Variants in JAKMIP3 observed in about 807,000 individuals in gnomAD.
JAKMIP3 encodes the protein Janus kinase and microtubule interacting protein 3.
Under a neutral mutation model 118.5 loss-of-function variants are expected in JAKMIP3, and 58 were observed. The ratio of observed to expected loss-of-function variants is 0.49; its 90% CI spans 0.40 to 0.61. The LOEUF (loss-of-function observed/expected upper bound fraction) is 0.61, where lower values mean the gene tolerates loss of function less well. Among genes scored for constraint, JAKMIP3 ranks in the 20% least tolerant of loss-of-function variants. The pLI is 0.00. For synonymous variants in JAKMIP3, 486 were observed against 451.2 expected (o/e 1.08, Z -0.98); for missense variants, 950 against 1,109.0 (o/e 0.86, Z 2.04).
At chr10:132,055,143 A>C (rs1179364132) in intron 1 of JAKMIP3, among the ~76,000 whole-genome samples, 1 of 152,108 alleles carries the variant, frequency 6.6e-6, no homozygotes, top group Non-Finnish European at 1.5e-5. Context: ...AGTGATTCTA[A>C]AGTTGGACTC....
At chr10:132,130,580 C>T (rs550856132) in intron 3 of JAKMIP3, among the ~76,000 whole-genome samples, 12 of 152,340 alleles carry the variant, frequency 7.9e-5, no homozygotes, top group Non-Finnish European at 1.6e-4. Flanking sequence ...ATCCTGGCTC[C>T]ATGGGCCCTG....
At chr10:132,045,259 C>T (rs1403542548) in intron 1 of JAKMIP3, among the ~76,000 whole-genome samples, 2 of 152,152 alleles carry the variant, frequency 1.3e-5, no homozygotes, top group African/African-American at 2.4e-5. Flanking sequence ...GTCTGCGTTT[C>T]CCCGGTGAGC....
chr10:132,130,666 G>T (rs871435), intron 3 of JAKMIP3, among the ~76,000 whole-genome samples: 1 of 152,136 alleles, frequency 6.6e-6, no homozygotes, highest in Non-Finnish European at 1.5e-5. Context: ...GCACTGAGGC[G>T]TGGTCAGCCC....
chr10:132,139,250 A>AGTGTGTGTG (rs1564947796), intron 9 of JAKMIP3, among the ~76,000 whole-genome samples: 1 of 72,560 alleles, frequency 1.4e-5, no homozygotes. Flanking sequence ...CTGTGTGTGT[A>AGTGTGTGTG]TGTGTGTGTG....
chr10:132,142,832 C>T (rs2053814699), intron 11 of JAKMIP3, among the ~76,000 whole-genome samples: 1 of 152,032 alleles, frequency 6.6e-6, no homozygotes, highest in Admixed American at 6.5e-5. Flanking sequence ...TGTGGGGTTC[C>T]CGTTGGCCTC....
intron 1 of JAKMIP3, among the ~76,000 whole-genome samples, chr10:132,100,069 G>A (rs553235588): frequency 2.0e-5 from 3 of 152,150 alleles, no homozygotes; most frequent in African/African-American, 7.2e-5. Context: ...ACCCACCCTG[G>A]CTCCTGCCCC....
At chr10:132,092,291 T>G (rs1564886828) in intron 1 of JAKMIP3, among the ~76,000 whole-genome samples, 1 of 152,178 alleles carries the variant, frequency 6.6e-6, no homozygotes, top group Admixed American at 6.5e-5. Context: ...TTCTCTGTAT[T>G]TCCTGAATTT....
Position 132,141,917 on chromosome 10 carries a change from C to T in JAKMIP3, c.1474-3C>T. ...TGCGTGTGTGGCATCCGTGTCTCTC[C>T]AGGGCATGGCCAAGGAGGAGACGGA... On this transcript the variant is annotated splice_polypyrimidine_tract_variant and splice_region_variant and intron_variant, in intron 10 of 23. Coordinates refer to ENST00000684848, the MANE Select transcript of JAKMIP3 (RefSeq NM_001323087.2). 2 of 1,592,374 alleles carry T rather than the reference C, an allele frequency of 1.3e-6. No individual in the cohort carries two copies. Among genetic ancestry groups the T allele is most frequent in the Non-Finnish European group, 1.7e-6 (2 of 1,170,088 alleles).
At chr10:132,137,628 C>T (rs2052096586) in intron 8 of JAKMIP3, among the ~76,000 whole-genome samples, 1 of 152,218 alleles carries the variant, frequency 6.6e-6, no homozygotes, top group African/African-American at 2.4e-5. Flanking sequence ...CCAGCACAGA[C>T]AGGCAGCCGC....
At chr10:132,151,650 C>G (rs1193929076) in intron 16 of JAKMIP3, among the ~76,000 whole-genome samples, 1 of 152,208 alleles carries the variant, frequency 6.6e-6, no homozygotes, top group Admixed American at 6.5e-5. Context: ...AAGGCACTGC[C>G]CAGGGTCACA....
intron 1 of JAKMIP3, among the ~76,000 whole-genome samples, chr10:132,092,391 C>A (rs1331958296): frequency 1.3e-5 from 2 of 152,240 alleles, no homozygotes; most frequent in Admixed American, 6.5e-5. Flanking sequence ...CTCCCCATCA[C>A]TTTCAGGTAC....
At chr10:132,062,191 A>C (rs2038418841), upstream of JAKMIP3, among the ~76,000 whole-genome samples, 1 of 152,212 alleles carries the variant, frequency 6.6e-6, no homozygotes, top group Admixed American at 6.5e-5. Context: ...CAGGAAATGC[A>C]CATTAAATTC....
chr10:132,104,598 C>T (rs78487530), intron 1 of JAKMIP3, 74 bp from the exon 2 acceptor site: 130,969 of 584,188 alleles, frequency 0.22, 16,385 homozygotes, highest in East Asian at 0.39. Context: ...GCCCCTGCCC[C>T]GGCACACAAG....
Position 132,135,052 on chromosome 10 carries a change from G to T in JAKMIP3, c.861G>T (p.Leu287Phe). 6.2e-7 allele frequency: 1 copy of T among 1,613,532 alleles called. No homozygotes were observed. Among genetic ancestry groups the T allele is most frequent in the Non-Finnish European group, 8.5e-7 (1 of 1,179,482 alleles). The stretch of plus-strand genomic sequence containing the variant: ...GATTTTTGTTTTAGGAACAGCAGTT[G>T]GATGAAAAAGATGCCCGGCGCTTCC... Reference protein sequence around the residue: ...SDHSGSPEQQLDEKDARRFQL... With the variant: ...SDHSGSPEQQFDEKDARRFQL... The change falls in exon 5 of 24, where the codon TTG (leucine) becomes TTT (phenylalanine). Residue 287 changes from leucine (L) to phenylalanine (F), a missense_variant. Physicochemically the swap from Leu to Phe is conservative, Grantham distance 22. Transcript: ENST00000684848.
At chr10:132,143,144 G>A (rs1460185960) in intron 11 of JAKMIP3, among the ~76,000 whole-genome samples, 1 of 150,388 alleles carries the variant, frequency 6.6e-6, no homozygotes, top group Non-Finnish European at 1.5e-5. Flanking sequence ...TCCTGAGTCG[G>A]GGTGGGGGGG....
At chr10:132,089,898 A>C (rs1220495662) in intron 1 of JAKMIP3, among the ~76,000 whole-genome samples, 2 of 152,188 alleles carry the variant, frequency 1.3e-5, no homozygotes, top group Non-Finnish European at 2.9e-5. Context: ...TAATTAATTT[A>C]TTGAGAGTTT....
chr10:132,151,458 G>A (rs2056189556), intron 16 of JAKMIP3, among the ~76,000 whole-genome samples: 1 of 152,176 alleles, frequency 6.6e-6, no homozygotes, highest in Non-Finnish European at 1.5e-5. Flanking sequence ...GAGGCTCTGG[G>A]TGTGGGTCTG....
At chr10:132,177,432 T>C (rs1242397347) in intron 23 of JAKMIP3, among the ~76,000 whole-genome samples, 3 of 151,526 alleles carry the variant, frequency 2.0e-5, no homozygotes, top group Non-Finnish European at 2.9e-5. Flanking sequence ...GTGTATACAC[T>C]TGCTCCTGTG....
At chr10:132,159,252 CCCTGTGTGATGTCGGGGGCACCTCTT>C (rs2057517381) in intron 19 of JAKMIP3, among the ~76,000 whole-genome samples, 1 of 113,714 alleles carries the variant, frequency 8.8e-6, no homozygotes, top group African/African-American at 3.5e-5. Flanking sequence ...GGGGGCCTCT[CCCTGTGTGATGTCGGGGGCACCTCTT>C]CCTCTGTGAT....
Sources: allele counts gnomAD v4.1 joint callset (sites outside exome capture counted in the v4.1 genomes callset), GRCh38; gene constraint gnomAD v4.1.1; transcripts MANE v1.5; gene names NCBI Gene and HGNC (gene_info 2026-07-23, HGNC 2026-07-21).